Variants in THSD7A observed in about 807,000 individuals in gnomAD.
The protein encoded by THSD7A is thrombospondin type-1 domain-containing protein 7A.
In THSD7A, 96 loss-of-function variants were observed where a neutral mutation model predicts 231.3. That is an observed-to-expected ratio of 0.41 (90% CI 0.35 to 0.49). The LOEUF (loss-of-function observed/expected upper bound fraction) is 0.49, where lower values mean the gene tolerates loss of function less well. THSD7A is among the 20% of genes least tolerant of loss of function. The pLI is 0.05. For synonymous variants in THSD7A, 940 were observed against 743.3 expected, an observed-to-expected ratio of 1.26 and a Z score of -4.30; for missense variants, 2,290 against 2,070.2, an observed-to-expected ratio of 1.11 and a Z score of -2.06.
At chr7:11,596,295 G>T (rs548046140) in intron 2 of THSD7A, among the ~76,000 whole-genome samples, 6 of 152,316 alleles carry the variant, frequency 3.9e-5, no homozygotes, top group African/African-American at 1.4e-4. Flanking sequence ...CTGGCTCGGA[G>T]CTGACATTGA....
At chr7:11,758,741 A>G (rs970968333) in intron 1 of THSD7A, among the ~76,000 whole-genome samples, 28 of 152,234 alleles carry the variant, frequency 1.8e-4, no homozygotes, top group African/African-American at 6.5e-4. Context: ...GGAATGGATG[A>G]TATGGCTTAA....
chr7:11,648,637 C>CGCGTGTGTGTGTGTGT (rs139855855), intron 1 of THSD7A, among the ~76,000 whole-genome samples: 25 of 141,136 alleles, frequency 1.8e-4, no homozygotes, highest in African/African-American at 6.1e-4. Context: ...TATTTTGTGG[C>CGCGTGTGTGTGTGTGT]GTGTGTGTGT....
At chr7:11,661,872 G>T (rs1177208485) in intron 1 of THSD7A, among the ~76,000 whole-genome samples, 1 of 151,178 alleles carries the variant, frequency 6.6e-6, no homozygotes, top group Non-Finnish European at 1.5e-5. Context: ...ATCAATGGAA[G>T]ACAAGATAAA....
chr7:11,701,912 G>C (rs1005758874), intron 1 of THSD7A, among the ~76,000 whole-genome samples: 18 of 151,020 alleles, frequency 1.2e-4, no homozygotes, highest in South Asian at 2.1e-4. Flanking sequence ...TCTTTCCTAG[G>C]ACAGGAATAT....
At chr7:11,501,169 C>T (rs994301954) in intron 6 of THSD7A, among the ~76,000 whole-genome samples, 8 of 152,046 alleles carry the variant, frequency 5.3e-5, no homozygotes, top group Admixed American at 5.2e-4. Context: ...AGACTCCCCA[C>T]ACAATAATAG....
intron 2 of THSD7A, among the ~76,000 whole-genome samples, chr7:11,620,866 A>G (rs1009142952): frequency 6.6e-6 from 1 of 152,146 alleles, no homozygotes; most frequent in African/African-American, 2.4e-5. Flanking sequence ...TAGACAATAA[A>G]AGCTCACTAT....
intron 4 of THSD7A, among the ~76,000 whole-genome samples, chr7:11,568,708 A>T (rs62434504): frequency 0.036 from 5,393 of 150,756 alleles, 181 homozygotes; most frequent in African/African-American, 0.069. Flanking sequence ...TATTCCATAG[A>T]ATATTGGAAA....
At chr7:11,723,381 C>T (rs1425655430) in intron 1 of THSD7A, among the ~76,000 whole-genome samples, 5 of 151,096 alleles carry the variant, frequency 3.3e-5, no homozygotes, top group East Asian at 2.0e-4. Flanking sequence ...TGTTAAATGA[C>T]GAGTTAATGA....
intron 23 of THSD7A, among the ~76,000 whole-genome samples, chr7:11,393,650 C>T (rs1352687772): frequency 1.3e-5 from 2 of 152,206 alleles, no homozygotes; most frequent in South Asian, 2.1e-4. Flanking sequence ...ACAAGAATAA[C>T]CAGTTTAGAT....
intron 11 of THSD7A, among the ~76,000 whole-genome samples, chr7:11,451,371 G>T (rs1235157753): frequency 6.6e-6 from 1 of 151,974 alleles, no homozygotes; most frequent in Non-Finnish European, 1.5e-5. Context: ...TGTTAAAAAT[G>T]CTCAAGTATT....
chr7:11,421,514 T>C (rs1182110616), intron 16 of THSD7A, among the ~76,000 whole-genome samples: 1 of 152,226 alleles, frequency 6.6e-6, no homozygotes, highest in African/African-American at 2.4e-5. Flanking sequence ...CAGGAAGTTC[T>C]GTATAGCACT....
At chr7:11,402,531 A>G (rs961008307) in intron 22 of THSD7A, among the ~76,000 whole-genome samples, 4 of 152,220 alleles carry the variant, frequency 2.6e-5, no homozygotes, top group Admixed American at 6.5e-5. Flanking sequence ...TACATCCTCA[A>G]TCAACTTCTC....
At chr7:11,723,585 A>G (rs1433924707) in intron 1 of THSD7A, among the ~76,000 whole-genome samples, 7 of 151,894 alleles carry the variant, frequency 4.6e-5, no homozygotes, top group Non-Finnish European at 1.0e-4. Flanking sequence ...CAAAATGTTC[A>G]TATTATGTAT....
At chr7:11,810,945 G>T (rs1000382822) in intron 1 of THSD7A, among the ~76,000 whole-genome samples, 1 of 152,122 alleles carries the variant, frequency 6.6e-6, no homozygotes, top group Admixed American at 6.6e-5. Context: ...TCAGCCTTCT[G>T]CCAACTAAAA....
intron 1 of THSD7A, among the ~76,000 whole-genome samples, chr7:11,658,571 T>C (rs1412156577): frequency 6.6e-6 from 1 of 151,686 alleles, no homozygotes; most frequent in Non-Finnish European, 1.5e-5. Flanking sequence ...GTTTTCTCCA[T>C]GTGATAAACA....
chr7:11,720,123 T>C (rs1302399212), intron 1 of THSD7A, among the ~76,000 whole-genome samples: 1 of 151,716 alleles, frequency 6.6e-6, no homozygotes, highest in Non-Finnish European at 1.5e-5. Context: ...ATAAATACAT[T>C]TTGAACGTCC....
chr7:11,708,757 C>A (rs1389190003), intron 1 of THSD7A, among the ~76,000 whole-genome samples: 4 of 150,658 alleles, frequency 2.7e-5, no homozygotes, highest in African/African-American at 9.7e-5. Context: ...TATTATGATC[C>A]AATATGCCAA....
intron 13 of THSD7A, among the ~76,000 whole-genome samples, chr7:11,437,674 CTATT>C (rs1349850370): frequency 2.0e-5 from 3 of 152,124 alleles, no homozygotes; most frequent in Non-Finnish European, 2.9e-5. Flanking sequence ...TTACAAGACT[CTATT>C]TATTGCTTTT....
At chr7:11,441,135 C>G (rs1784790692) in intron 13 of THSD7A, among the ~76,000 whole-genome samples, 1 of 151,998 alleles carries the variant, frequency 6.6e-6, no homozygotes, top group East Asian at 1.9e-4. Context: ...TGTGGAACAC[C>G]TACTACTGTT....
Sources: allele counts gnomAD v4.1 joint callset (sites outside exome capture counted in the v4.1 genomes callset), GRCh38; gene constraint gnomAD v4.1.1; transcripts MANE v1.5; gene names NCBI Gene and HGNC (gene_info 2026-07-23, HGNC 2026-07-21).